Variants in RORA observed in about 807,000 individuals in gnomAD.
RORA encodes the protein nuclear receptor ROR-alpha.
RORA carries 7 observed loss-of-function variants against 69.5 expected under a neutral mutation model. The ratio of observed to expected loss-of-function variants is 0.10; its 90% CI spans 0.06 to 0.19. The LOEUF is 0.19. Ranked by LOEUF, RORA falls within the 10% of genes least tolerant of loss-of-function variation. The pLI, the probability that RORA is intolerant of heterozygous loss-of-function variation, is 1.00. For synonymous variants in RORA, 261 were observed against 240.8 expected (o/e 1.08, Z -0.78); for missense variants, 457 against 663.0 (o/e 0.69, Z 3.41).
chr15:60,952,291 CA>C (rs906825000), intron 1 of RORA, among the ~76,000 whole-genome samples: 1 of 152,050 alleles, frequency 6.6e-6, no homozygotes, highest in African/African-American at 2.4e-5. Context: ...GGACGTATTT[CA>C]AAATAATAAG....
At position 61,040,640 on chromosome 15, in the gene RORA, T is replaced by G. The variant is rs551087991; in HGVS notation, c.166+188413A>C. 1.0e-3 allele frequency among the ~76,000 whole-genome samples: 154 copies of G among 152,200 alleles called. 2 individuals are homozygous for G. Among genetic ancestry groups the G allele is most frequent in the South Asian group, 3.1e-3 (15 of 4,806 alleles). On this transcript the variant is annotated intron_variant, in intron 1 of 10. Coordinates refer to ENST00000335670, the MANE Select transcript of RORA (RefSeq NM_134261.3). ...TACACCCTATGAGGACAAATACAGTTCTTTTTTTGCCATTTCATCCCCTGA... is the reference window on the plus strand; with the variant it reads ...TACACCCTATGAGGACAAATACAGTGCTTTTTTTGCCATTTCATCCCCTGA...
chr15:61,221,897 C>T (rs1477412256), intron 1 of RORA, among the ~76,000 whole-genome samples: 1 of 151,244 alleles, frequency 6.6e-6, no homozygotes, highest in Non-Finnish European at 1.5e-5. Flanking sequence ...TAGTACATGC[C>T]TGTAGTCTCA....
At chr15:60,961,323 A>T (rs1893407868) in intron 1 of RORA, among the ~76,000 whole-genome samples, 1 of 152,166 alleles carries the variant, frequency 6.6e-6, no homozygotes, top group Admixed American at 6.5e-5. Context: ...GCACAACAGA[A>T]ATCTGTTCAC....
intron 1 of RORA, among the ~76,000 whole-genome samples, chr15:60,745,219 A>T (rs2071630462): frequency 6.6e-6 from 1 of 152,030 alleles, no homozygotes; most frequent in African/African-American, 2.4e-5. Context: ...CTTCCAGGGG[A>T]GTTTTCTCTG....
rs111579293 is a variant in RORA, at chr15:60,840,448, T to C, written c.167-161762A>G. 8.1e-3 allele frequency among the ~76,000 whole-genome samples: 1,234 copies of C among 152,348 alleles called. 15 individuals are homozygous for C. Among genetic ancestry groups the C allele is most frequent in the African/African-American group, 0.027 (1,118 of 41,584 alleles). On this transcript the variant is annotated intron_variant, in intron 1 of 10. Transcript: ENST00000335670. ...GCTGTGAAGCCAGGCCTTTTGCCCT[T>C]AACCAGAAGTCTCCAGACAATGGAT...
At chr15:60,591,872 G>A (rs2068526649) in intron 2 of RORA, among the ~76,000 whole-genome samples, 1 of 151,924 alleles carries the variant, frequency 6.6e-6, no homozygotes, top group South Asian at 2.1e-4. Context: ...GGGGACGCAG[G>A]GGCAGGGCGC....
intron 1 of RORA, among the ~76,000 whole-genome samples, chr15:60,785,809 T>G (rs1342184761): frequency 1.3e-5 from 2 of 152,244 alleles, no homozygotes; most frequent in African/African-American, 2.4e-5. Context: ...CTAAAGTATT[T>G]CCAGGGGACA....
At chr15:61,224,048 G>A (rs2080123937) in intron 1 of RORA, among the ~76,000 whole-genome samples, 1 of 149,840 alleles carries the variant, frequency 6.7e-6, no homozygotes, top group Admixed American at 6.6e-5. Flanking sequence ...GAGAAAATGA[G>A]AGACAGAGAG....
rs750296474 is a variant in RORA at position 60,511,455 on chromosome 15, G to A, written c.591C>T (p.His197=). The A allele has an allele frequency of 5.6e-6, 9 of 1,614,030 alleles. No homozygotes were observed. Among genetic ancestry groups the A allele is most frequent in the African/African-American group, 4.0e-5 (3 of 74,920 alleles). The change falls in exon 5 of 11, where the codon CAC becomes CAT. Residue 197 remains histidine (H), a synonymous_variant. Transcript: ENST00000335670. This position sits in a 1 kb window ranked among gnomAD's most constrained non-coding sequence, Gnocchi z 6.4. ...NISANGLTEL[H]DDLSNYIDGH... is the part of the protein sequence containing the mutation. ...CGTCAATGTAGTTACTGAGGTCGTC[G>A]TGAAGTTCCGTCAGCCCGTTGGCCG...
chr15:60,946,806 C>A (rs1173980458), intron 1 of RORA, among the ~76,000 whole-genome samples: 1 of 151,912 alleles, frequency 6.6e-6, no homozygotes, highest in Non-Finnish European at 1.5e-5. Context: ...CGGCCACCAT[C>A]CCGTCTAGGA....
At chr15:60,557,025 A>AT (rs1280790602) in intron 2 of RORA, 1 of 951,932 alleles carries the variant, frequency 1.1e-6, no homozygotes. Flanking sequence ...TTGAACAGCA[A>AT]TAAGTACCCA....
intron 1 of RORA, among the ~76,000 whole-genome samples, chr15:60,883,296 G>A (rs1321520946): frequency 2.0e-5 from 3 of 152,074 alleles, no homozygotes; most frequent in African/African-American, 4.8e-5. Context: ...TGGATACGTG[G>A]TACAAATAGG....
Position 60,636,888 on chromosome 15 carries a change from C to G in RORA, c.196+41769G>C. 2.0e-5 allele frequency among the ~76,000 whole-genome samples: 3 copies of G among 152,100 alleles called. 1 individual carries two copies. In the South Asian group the frequency reaches 6.2e-4, roughly 32 times the overall value. On this transcript the variant is annotated intron_variant, in intron 2 of 10. Coordinates refer to ENST00000335670, the MANE Select transcript of RORA (RefSeq NM_134261.3). ...CTTTTTATTCAATCAAAAATATTTT[C>G]TCATGTGTTTATTAATTCTTTAAAT...
intron 1 of RORA, among the ~76,000 whole-genome samples, chr15:61,036,118 ACC>A (rs1167257496): frequency 1.3e-5 from 2 of 152,110 alleles, no homozygotes; most frequent in African/African-American, 4.8e-5. Context: ...GACCGCATTA[ACC>A]CCAGAAGCAT....
chr15:61,185,406 A>G (rs2079731954), intron 1 of RORA, among the ~76,000 whole-genome samples: 1 of 142,260 alleles, frequency 7.0e-6, no homozygotes, highest in African/African-American at 2.6e-5. Flanking sequence ...CTACTCAAGT[A>G]TAAAGAAAAA....
chr15:60,546,927 C>T (rs1220474015), intron 2 of RORA, among the ~76,000 whole-genome samples: 1 of 152,198 alleles, frequency 6.6e-6, no homozygotes, highest in African/African-American at 2.4e-5. Context: ...TTGTCCCTCC[C>T]TTCAGCTTCC....
At chr15:60,998,779 G>C (rs1009519217) in intron 1 of RORA, among the ~76,000 whole-genome samples, 1 of 152,218 alleles carries the variant, frequency 6.6e-6, no homozygotes, top group Non-Finnish European at 1.5e-5. Context: ...GTCTCTCTCA[G>C]CTTGGCCAGG....
intron 2 of RORA, among the ~76,000 whole-genome samples, chr15:60,640,976 A>G (rs2069934235): frequency 6.6e-6 from 1 of 152,176 alleles, no homozygotes; most frequent in South Asian, 2.1e-4. Flanking sequence ...TTTTTGAGAC[A>G]GAATCTCGCT....
At chr15:61,069,482 G>A (rs2078309638) in intron 1 of RORA, among the ~76,000 whole-genome samples, 1 of 152,128 alleles carries the variant, frequency 6.6e-6, no homozygotes, top group Admixed American at 6.5e-5. Context: ...AAAGGCATAG[G>A]ATGCAGCGTC....
Sources: gnomAD v4.1 joint callset for allele counts (sites outside exome capture counted in the v4.1 genomes callset) on GRCh38, gnomAD v4.1.1 for gene constraint, Gnocchi (gnomAD v3.1) non-coding constraint, MANE v1.5 for transcripts, NCBI Gene and HGNC (gene_info 2026-07-23, HGNC 2026-07-21) for gene names.